The following TBC1D25 variants were observed in gnomAD, a reference collection of about 807,000 sequenced individuals.
The protein encoded by TBC1D25 is TBC1 domain family member 25.
In TBC1D25, 13 loss-of-function variants were observed where a neutral mutation model predicts 38.8. The observed-to-expected ratio is 0.34, with a 90% CI of 0.22 to 0.53. The LOEUF is 0.53. Among genes scored for constraint, TBC1D25 ranks in the 20% least tolerant of loss-of-function variants. The pLI is 0.94. For missense variants in TBC1D25, 372 were observed against 600.0 expected, an observed-to-expected ratio of 0.62 and a Z score of 3.97; for synonymous variants, 225 against 255.6, an observed-to-expected ratio of 0.88 and a Z score of 1.14.
intron 3 of TBC1D25, among the ~76,000 whole-genome samples, chrX:48,551,611 C>G (rs2061933968): frequency 1.1e-5 from 1 of 94,088 alleles, no homozygotes; most frequent in Admixed American, 1.2e-4. Flanking sequence ...AGGTGTGAGC[C>G]ACTGCGCCCG....
Position 48,550,413 on chromosome X carries a change from T to C in TBC1D25, c.388+5390T>C, listed in dbSNP as rs559763556. Among the ~76,000 whole-genome samples the C allele has an allele frequency of 1.4e-4, 15 of 108,764 alleles. No homozygotes were observed. The South Asian group carries it at 4.3e-3, about 31-fold the overall frequency. The allele number at this position is 108,764 out of a possible 115,157, so 94.4% of individuals were successfully genotyped here. A position where few individuals can be genotyped will look rare whatever the true frequency, so the allele number is the denominator to read the frequency against. On this transcript the variant is annotated intron_variant, in intron 3 of 5. Transcript: ENST00000376771. ...TGGGCTTTCTATTGCATTCTACCAA[T>C]GGGCTCTATTTGTCTACTGCTGTGC...
chrX:48,539,841 C>A lies in TBC1D25; in HGVS notation c.44C>A (p.Ala15Glu), dbSNP rs1556979733. 1.0e-6 allele frequency: 1 copy of A among 965,715 alleles called. No individual in the cohort carries two copies. Among genetic ancestry groups the A allele is most frequent in the Non-Finnish European group, 1.3e-6 (1 of 767,910 alleles). 79.6% of individuals were successfully genotyped at this position (965,715 alleles called of 1,213,427 possible). Reference sequence around the variant, plus strand: ...GCCTCGGACTTGTCTGGCTCCGGAGCGCCCCCGCCCGGTGTGGGAGCTCAG... The same window carrying A: ...GCCTCGGACTTGTCTGGCTCCGGAGAGCCCCCGCCCGGTGTGGGAGCTCAG... ...SGASDLSGSGAPPPGVGAQAA... is the reference protein window; with the variant it reads ...SGASDLSGSGEPPPGVGAQAA... Residue 15 changes from alanine (A) to glutamate (E), a missense_variant, in exon 1 of 6, where the codon GCG becomes GAG. Transcript: ENST00000376771.
intron 3 of TBC1D25, among the ~76,000 whole-genome samples, chrX:48,556,698 G>A (rs1342898359): frequency 2.1e-5 from 2 of 94,202 alleles, no homozygotes; most frequent in East Asian, 6.9e-4. Context: ...AGTGAGCGAG[G>A]ATCACACCAT....
rs1556979781 is a variant in TBC1D25 at position 48,539,931 on chromosome X, C to T, written c.123+11C>T. On this transcript the variant is annotated intron_variant, in intron 1 of 5. Coordinates refer to ENST00000376771, the MANE Select transcript of TBC1D25 (RefSeq NM_002536.4). ...CGGGTCCGAGTCAAGGTGAGGCTGG[C>T]GGTGAGTCGGCCCAGCCGCCGAGGC... 5 of 948,727 alleles carry T rather than the reference C, an allele frequency of 5.3e-6. No homozygotes were observed. The East Asian group carries it at 1.7e-4, about 32-fold the overall frequency. 78.2% of individuals were successfully genotyped at this position (948,727 alleles called of 1,213,427 possible). A position where few individuals can be genotyped will look rare whatever the true frequency, so the allele number is the denominator to read the frequency against.
intron 3 of TBC1D25, among the ~76,000 whole-genome samples, chrX:48,553,555 C>A (rs2061951416): frequency 9.3e-6 from 1 of 107,909 alleles, no homozygotes; most frequent in Non-Finnish European, 1.9e-5. Context: ...GCTTGTCTGA[C>A]CTTCTTTCCA....
rs1450749980 is a variant in TBC1D25 at position 48,560,621 on chromosome X, C to T, written c.1713C>T (p.Ala571=). The T allele has an allele frequency of 8.3e-7, 1 of 1,208,986 alleles. No homozygotes were observed. The highest frequency in any genetic ancestry group is 1.1e-6 in the Non-Finnish European group (1 of 894,682). Residue 571 remains alanine, a synonymous_variant, in exon 6 of 6, where the codon GCC becomes GCT. Transcript: ENST00000376771. ...CATCTCCACCATCCACCCAGGAGGC[C>T]TCTCCCACTGGTGATATGGCTGTAG... ...SSSSPPSTQE[A]SPTGDMAVGS...
chrX:48,559,763 C>T lies in TBC1D25; in HGVS notation c.855C>T (p.Arg285=), dbSNP rs1602120389. 8.3e-7 allele frequency: 1 copy of T among 1,211,894 alleles called. No homozygotes were observed. Among genetic ancestry groups the T allele is most frequent in the Non-Finnish European group, 1.1e-6 (1 of 895,486 alleles). Residue 285 remains arginine, a synonymous_variant, in exon 6 of 6, where the codon CGC becomes CGT. Transcript: ENST00000376771. ...RANPEDLEFI[R]STVLKDVLRT... Reference sequence around the variant, plus strand: ...ACCCTGAGGACCTGGAATTCATCCGCAGCACGGTCCTCAAGGATGTACTGC... The same window carrying T: ...ACCCTGAGGACCTGGAATTCATCCGTAGCACGGTCCTCAAGGATGTACTGC...
At chrX:48,546,536 A>G (rs1046033056) in intron 3 of TBC1D25, among the ~76,000 whole-genome samples, 2 of 111,236 alleles carry the variant, frequency 1.8e-5, no homozygotes, top group East Asian at 5.6e-4. Flanking sequence ...AATAAAAAAT[A>G]AAAAAAGAGC....
intron 2 of TBC1D25, among the ~76,000 whole-genome samples, chrX:48,543,691 T>C (rs1039847697): frequency 9.4e-6 from 1 of 106,351 alleles, no homozygotes; most frequent in Non-Finnish European, 1.9e-5. Flanking sequence ...AAGACCATCC[T>C]GGCTAACACG....
In TBC1D25 at chrX:48,559,003, T is replaced by C; in HGVS notation, c.495T>C (p.Phe165=). ...RSSLTTAALP[F]TQSILTQVGR... ...CACTGACGACTGCCGCCCTGCCCTT[T>C]ACACAGTCCATCCTCACTCAGGTGT... Residue 165 remains phenylalanine (F), a synonymous_variant, in exon 4 of 6, where the codon TTT becomes TTC. Transcript: ENST00000376771. 1.7e-6 allele frequency: 2 copies of C among 1,211,728 alleles called. No homozygotes were observed. Among genetic ancestry groups the C allele is most frequent in the Non-Finnish European group, 1.1e-6 (1 of 895,526 alleles).
rs1036249639 is a variant in TBC1D25, at chrX:48,543,803, G to A, written c.234-1066G>A. Among the ~76,000 whole-genome samples, 5 of 107,886 alleles carry A rather than the reference G, an allele frequency of 4.6e-5. 1 individual carries two copies. The highest frequency in any genetic ancestry group is 8.8e-3 in the Middle Eastern group (2 of 227). The allele number at this position is 107,886 out of a possible 115,157, so 93.7% of individuals were successfully genotyped here. On this transcript the variant is annotated intron_variant, in intron 2 of 5. Coordinates refer to ENST00000376771, the MANE Select transcript of TBC1D25 (RefSeq NM_002536.4). Reference sequence around the variant, plus strand: ...GGAGGCTGAGGCAGGAGAATGGCATGGGCCCGGGAGGCGGAGCTTGCAGCG... The same window carrying A: ...GGAGGCTGAGGCAGGAGAATGGCATAGGCCCGGGAGGCGGAGCTTGCAGCG...
At chrX:48,558,504 G>GT (rs2061994666) in intron 3 of TBC1D25, among the ~76,000 whole-genome samples, 2 of 111,827 alleles carry the variant, frequency 1.8e-5, no homozygotes, top group East Asian at 5.6e-4. Context: ...TCAACCGATA[G>GT]GACTGAAGTG....
At position 48,539,922 on chromosome X, in the gene TBC1D25, T is replaced by C; in HGVS notation, c.123+2T>C. ...GAGGTGGTGCGGGTCCGAGTCAAGG[T>C]GAGGCTGGCGGTGAGTCGGCCCAGC... On this transcript the variant is annotated splice_donor_variant, in intron 1 of 5. Transcript: ENST00000376771. LOFTEE classifies it high-confidence loss of function. 1 of 950,572 alleles carries C rather than the reference T, an allele frequency of 1.1e-6. No individual in the cohort carries two copies. The highest frequency in any genetic ancestry group is 1.3e-6 in the Non-Finnish European group (1 of 759,102). The allele number at this position is 950,572 out of a possible 1,213,427, so 78.3% of individuals were successfully genotyped here. A position where few individuals can be genotyped will look rare whatever the true frequency, so the allele number is the denominator to read the frequency against.
chrX:48,541,350 G>C lies in TBC1D25; in HGVS notation c.141G>C (p.Leu47Phe). Residue 47 changes from leucine to phenylalanine, a missense_variant, in exon 2 of 6, where the codon TTG (leucine) becomes TTC (phenylalanine). Leu to Phe is a conservative substitution (Grantham distance 22). Around this residue, in one of 2 missense-constraint regions of TBC1D25, gnomAD observed 60 missense variants for 50.7 expected, o/e 1.18. Transcript: ENST00000376771. ...RVRVKKCESF[L>F]PPEFRSFAVD... ...CTCCCCAGAAATGTGAGAGCTTCTT[G>C]CCGCCAGAGTTCCGCTCTTTTGCTG... The C allele has an allele frequency of 8.3e-7, 1 of 1,211,564 alleles. No individual in the cohort carries two copies. The highest frequency in any genetic ancestry group is 2.3e-4 in the Middle Eastern group (1 of 4,340).
intron 3 of TBC1D25, among the ~76,000 whole-genome samples, chrX:48,552,353 ATT>A (rs782173319): frequency 1.5e-4 from 12 of 80,225 alleles, no homozygotes; most frequent in Middle Eastern, 6.6e-3. Flanking sequence ...TGCCCGGCTA[ATT>A]TTTTTTTTTT....
intron 3 of TBC1D25, among the ~76,000 whole-genome samples, chrX:48,545,928 C>T (rs1248481804): frequency 9.0e-6 from 1 of 111,044 alleles, no homozygotes; most frequent in Non-Finnish European, 1.9e-5. Flanking sequence ...AGCCCAAATC[C>T]GCTGGGCACG....
intron 3 of TBC1D25, among the ~76,000 whole-genome samples, chrX:48,557,063 CAAA>C (rs34441472): frequency 2.1e-5 from 2 of 93,519 alleles, no homozygotes. Flanking sequence ...CCATCTCTAC[CAAA>C]AAAAAAAAAA....
intron 3 of TBC1D25, among the ~76,000 whole-genome samples, chrX:48,557,804 A>G (rs962486452): frequency 2.0e-4 from 14 of 70,990 alleles, no homozygotes; most frequent in African/African-American, 1.0e-3. Context: ...GTGAGACTCC[A>G]TCTCAAAAAA....
intron 3 of TBC1D25, among the ~76,000 whole-genome samples, chrX:48,555,047 A>G (rs1474818450): frequency 9.0e-6 from 1 of 111,621 alleles, no homozygotes; most frequent in Non-Finnish European, 1.9e-5. Context: ...TGGAGATGAG[A>G]GAACAGGTAG....
Sources: gnomAD v4.1 joint callset for allele counts (sites outside exome capture counted in the v4.1 genomes callset) on GRCh38, gnomAD v4.1.1 for gene constraint, gnomAD v4.1.1 regional missense constraint, MANE v1.5 for transcripts, NCBI Gene and HGNC (gene_info 2026-07-23, HGNC 2026-07-21) for gene names.